Variants in ZYG11A observed in about 807,000 individuals in gnomAD.
The protein encoded by ZYG11A is zyg-11 family member A, cell cycle regulator.
In ZYG11A, 62 loss-of-function variants were observed where a neutral mutation model predicts 77.2. The ratio of observed to expected loss-of-function variants is 0.80; its 90% confidence interval spans 0.65 to 0.99. The LOEUF (loss-of-function observed/expected upper bound fraction) is 0.99. Among genes scored for constraint, ZYG11A ranks in the 50% least tolerant of loss-of-function variants. The pLI, the probability that ZYG11A is intolerant of heterozygous loss-of-function variation, is 0.00. For synonymous variants in ZYG11A, 315 were observed against 324.6 expected (o/e 0.97, Z 0.32); for missense variants, 828 against 896.8 (o/e 0.92, Z 0.98).
At position 52,842,809 on chromosome 1, in the gene ZYG11A, C is replaced by A. The variant is rs1645471491; in HGVS notation, c.-75C>A. The A allele has an allele frequency of 1.4e-6, 2 of 1,413,852 alleles. No individual in the cohort carries two copies. Among genetic ancestry groups the A allele is most frequent in the East Asian group, 5.8e-5 (2 of 34,354 alleles). The allele number at this position is 1,413,852 out of a possible 1,614,324, so 87.6% of individuals were successfully genotyped here. ...GTGGTGGGCGCGTCCTGGCAGCCGC[C>A]CGCTTGGTTCTCGCGGGATCCGGGC... On this transcript the variant is annotated 5_prime_UTR_variant, in exon 1 of 14. Coordinates refer to ENST00000371528, the MANE Select transcript of ZYG11A (RefSeq NM_001004339.3).
In ZYG11A at chr1:52,854,688, C is replaced by T. The variant is rs1336278085; in HGVS notation, c.256+58C>T. 12 of 1,366,732 alleles carry T rather than the reference C, an allele frequency of 8.8e-6. No homozygotes were observed. In the East Asian group the frequency reaches 1.6e-4, roughly 18 times the overall value. The allele number at this position is 1,366,732 out of a possible 1,614,324, so 84.7% of individuals were successfully genotyped here. Reference sequence around the variant, plus strand: ...GCAGTACTTTACTATTTGAAAAGCACTTTTACACACAATTTCTATTGTGAT... The same window carrying T: ...GCAGTACTTTACTATTTGAAAAGCATTTTTACACACAATTTCTATTGTGAT... On this transcript the variant is annotated intron_variant, in intron 2 of 13. Coordinates refer to ENST00000371528, the MANE Select transcript of ZYG11A (RefSeq NM_001004339.3).
intron 10 of ZYG11A, among the ~76,000 whole-genome samples, chr1:52,878,976 CAAA>C (rs1185532372): frequency 1.3e-4 from 7 of 53,332 alleles, no homozygotes; most frequent in Non-Finnish European, 3.3e-4. Flanking sequence ...AAAAAAAAAA[CAAA>C]CCAAAAAACT....
chr1:52,876,450 C>T (rs561368451), intron 8 of ZYG11A, among the ~76,000 whole-genome samples: 3 of 152,116 alleles, frequency 2.0e-5, no homozygotes, highest in Non-Finnish European at 2.9e-5. Context: ...GGCACTCTTA[C>T]GACAACAGAT....
chr1:52,861,997 G>A (rs2149999880), intron 4 of ZYG11A, among the ~76,000 whole-genome samples: 1 of 151,908 alleles, frequency 6.6e-6, no homozygotes, highest in South Asian at 2.1e-4. Flanking sequence ...GATCACCTGA[G>A]GTCAGGAATT....
At chr1:52,858,504 C>G (rs984341884) in intron 3 of ZYG11A, among the ~76,000 whole-genome samples, 4 of 150,606 alleles carry the variant, frequency 2.7e-5, no homozygotes, top group African/African-American at 9.8e-5. Context: ...GGGGTTTCAC[C>G]ATGTTGGCCG....
intron 5 of ZYG11A, among the ~76,000 whole-genome samples, chr1:52,865,306 A>T (rs555150504): frequency 6.6e-6 from 1 of 152,122 alleles, no homozygotes; most frequent in Non-Finnish European, 1.5e-5. Context: ...CATGTTCATT[A>T]TATATATATG....
intron 6 of ZYG11A, among the ~76,000 whole-genome samples, chr1:52,866,802 C>T (rs1484835656): frequency 6.6e-6 from 1 of 152,054 alleles, no homozygotes; most frequent in Admixed American, 6.6e-5. Flanking sequence ...AAGATCTAGC[C>T]CTTCCATTAT....
chr1:52,873,034 A>G (rs977410691), intron 8 of ZYG11A, among the ~76,000 whole-genome samples: 4 of 152,154 alleles, frequency 2.6e-5, no homozygotes, highest in Admixed American at 6.6e-5. Flanking sequence ...GATACCATTA[A>G]GAAAACACAC....
chr1:52,893,118 G>C lies in ZYG11A; in HGVS notation c.*161G>C, dbSNP rs542332608. On this transcript the variant is annotated 3_prime_UTR_variant, in exon 14 of 14. Coordinates refer to ENST00000371528, the MANE Select transcript of ZYG11A (RefSeq NM_001004339.3). The stretch of plus-strand genomic sequence containing the variant: ...TACAAAAGGTTGGATTTGTATGATA[G>C]CTGTAATCCCAAGTCAAGTTGGACT... 2 of 660,012 alleles carry C rather than the reference G, an allele frequency of 3.0e-6. No individual in the cohort carries two copies. The highest frequency in any genetic ancestry group is 3.6e-5 in the African/African-American group (2 of 55,094). 40.9% of individuals were successfully genotyped at this position (660,012 alleles called of 1,614,324 possible).
chr1:52,856,552 T>A (rs992631529), intron 2 of ZYG11A, among the ~76,000 whole-genome samples: 3 of 151,976 alleles, frequency 2.0e-5, no homozygotes, highest in African/African-American at 4.8e-5. Context: ...GAGAGGTAAG[T>A]GACTTGTCAA....
chr1:52,849,782 A>C lies in ZYG11A; in HGVS notation c.91-4683A>C, dbSNP rs545807326. Among the ~76,000 whole-genome samples, 785 of 151,658 alleles carry C rather than the reference A, an allele frequency of 5.2e-3. 7 individuals carry two copies. The highest frequency in any genetic ancestry group is 0.018 in the African/African-American group (758 of 41,332). On this transcript the variant is annotated intron_variant, in intron 1 of 13. Transcript: ENST00000371528. The stretch of plus-strand genomic sequence containing the variant: ...ACTGCCAGCTCCACATCCCGGATTC[A>C]TGCCATTCTCCTGCCTCAGCCTCCC...
At position 52,857,663 on chromosome 1, in the gene ZYG11A, C is replaced by A; in HGVS notation, c.922C>A (p.Arg308=). The A allele has an allele frequency of 6.4e-7, 1 of 1,552,148 alleles. No individual in the cohort carries two copies. Residue 308 remains arginine (R), a synonymous_variant, in exon 3 of 14, where the codon CGA becomes AGA. Coordinates refer to ENST00000371528, the MANE Select transcript of ZYG11A (RefSeq NM_001004339.3). ...ITDEAVELFI[R]LRPAMQFVGL... ...TGATGAAGCTGTAGAACTGTTTATACGACTGCGGCCTGCCATGCAATTTGT... is the reference window on the plus strand; with the variant it reads ...TGATGAAGCTGTAGAACTGTTTATAAGACTGCGGCCTGCCATGCAATTTGT...
chr1:52,849,778 A>G (rs519583), intron 1 of ZYG11A, among the ~76,000 whole-genome samples: 98,824 of 151,002 alleles, frequency 0.65, 33,395 homozygotes, highest in African/African-American at 0.8. Context: ...CACATCCCGG[A>G]TTCATGCCAT....
chr1:52,863,451 G>A (rs1466139391), intron 4 of ZYG11A, among the ~76,000 whole-genome samples: 1 of 152,030 alleles, frequency 6.6e-6, no homozygotes, highest in Non-Finnish European at 1.5e-5. Flanking sequence ...ATCTCCTCCT[G>A]TGTAAATCCT....
chr1:52,842,842 C>A lies in ZYG11A; in HGVS notation c.-42C>A, dbSNP rs147122104. 24 of 1,515,090 alleles carry A rather than the reference C, an allele frequency of 1.6e-5. No individual in the cohort carries two copies. Among genetic ancestry groups the A allele is most frequent in the Non-Finnish European group, 1.5e-5 (17 of 1,127,646 alleles). 93.9% of individuals were successfully genotyped at this position (1,515,090 alleles called of 1,614,324 possible). A position where few individuals can be genotyped will look rare whatever the true frequency, so the allele number is the denominator to read the frequency against. ...TTCTCGCGGGATCCGGGCTCCGGCT[C>A]GACGCCGGCTCTCTTTTTGACGCCC... On this transcript the variant is annotated 5_prime_UTR_variant, in exon 1 of 14. Coordinates refer to ENST00000371528, the MANE Select transcript of ZYG11A (RefSeq NM_001004339.3).
rs1646362355 is a variant in ZYG11A at position 52,881,554 on chromosome 1, C to T, written c.1833C>T (p.Ser611=). ...AGCATATCAACAGTTTACTCTGTAGCAGGGAAATGGAAGTCAGCTATTTTG... is the reference window on the plus strand; with the variant it reads ...AGCATATCAACAGTTTACTCTGTAGTAGGGAAATGGAAGTCAGCTATTTTG... ...VLKHINSLLC[S]REMEVSYFAA... Residue 611 remains serine (S), a synonymous_variant, in exon 11 of 14, where the codon AGC becomes AGT. Transcript: ENST00000371528. 6.4e-7 allele frequency: 1 copy of T among 1,551,954 alleles called. No homozygotes were observed. Among genetic ancestry groups the T allele is most frequent in the Non-Finnish European group, 8.7e-7 (1 of 1,147,076 alleles).
At chr1:52,866,593 C>T (rs1646031219) in intron 6 of ZYG11A, 26 bp downstream of exon 6, 1 of 1,432,374 alleles carries the variant, frequency 7.0e-7, no homozygotes. Context: ...GGTCATTTGA[C>T]TGGGGTGTTG....
At chr1:52,862,313 G>GT (rs1557438937) in intron 4 of ZYG11A, among the ~76,000 whole-genome samples, 1 of 149,586 alleles carries the variant, frequency 6.7e-6, no homozygotes, top group African/African-American at 2.5e-5. Flanking sequence ...ATTTTTTTTT[G>GT]GTTTTTTTTT....
chr1:52,876,718 T>A (rs529325559), intron 8 of ZYG11A, among the ~76,000 whole-genome samples: 91 of 152,338 alleles, frequency 6.0e-4, no homozygotes, highest in African/African-American at 2.1e-3. Context: ...TCTCACAGAT[T>A]TATTTTTGTG....
Sources: allele counts gnomAD v4.1 joint callset (sites outside exome capture counted in the v4.1 genomes callset), GRCh38; gene constraint gnomAD v4.1.1; transcripts MANE v1.5; gene names NCBI Gene and HGNC (gene_info 2026-07-23, HGNC 2026-07-21).